Variants in NAA15 observed in about 807,000 individuals in gnomAD.
The protein encoded by NAA15 is N-alpha-acetyltransferase 15, NatA auxiliary subunit, also known as N-terminal acetyltransferase.
In NAA15, 34 loss-of-function variants were observed where a neutral mutation model predicts 114.0. The ratio of observed to expected loss-of-function variants is 0.30; its 90% CI spans 0.23 to 0.40. The LOEUF (loss-of-function observed/expected upper bound fraction) is 0.40, where lower values mean the gene tolerates loss of function less well. Among genes scored for constraint, NAA15 ranks in the 10% least tolerant of loss-of-function variants. The pLI, the probability that NAA15 is intolerant of heterozygous loss-of-function variation, is 1.00. For synonymous variants in NAA15, 340 were observed against 338.0 expected (o/e 1.01, Z -0.06); for missense variants, 658 against 1,004.5 (o/e 0.66, Z 4.66).
intron 5 of NAA15, among the ~76,000 whole-genome samples, 196 bp downstream of exon 5, chr4:139,343,156 T>G (rs1747469531): frequency 6.6e-6 from 1 of 152,236 alleles, no homozygotes; most frequent in Non-Finnish European, 1.5e-5. Flanking sequence ...ACTTTAAAAT[T>G]TGTGTATCTA....
intron 1 of NAA15, among the ~76,000 whole-genome samples, chr4:139,319,577 A>G (rs1356882595): frequency 6.6e-6 from 1 of 151,904 alleles, no homozygotes. Flanking sequence ...CTGGGATTAC[A>G]GGTGTACACT....
chr4:139,332,883 C>CT (rs1334130489), intron 1 of NAA15, among the ~76,000 whole-genome samples: 2 of 151,942 alleles, frequency 1.3e-5, no homozygotes, highest in Admixed American at 1.3e-4. Flanking sequence ...TGCCTGGCCT[C>CT]TTATATAGTC....
intron 6 of NAA15, among the ~76,000 whole-genome samples, chr4:139,345,798 G>A (rs1383137924): frequency 6.6e-6 from 1 of 152,128 alleles, no homozygotes; most frequent in Non-Finnish European, 1.5e-5. Context: ...GCAGGCGCCT[G>A]TAGTCCCAGC....
intron 9 of NAA15, among the ~76,000 whole-genome samples, chr4:139,352,660 A>ATC: frequency 8.1e-6 from 1 of 123,962 alleles, no homozygotes; most frequent in Admixed American, 7.8e-5. Context: ...TCCATAAAAT[A>ATC]TCTTTTTTTT....
chr4:139,302,333 C>T lies in NAA15; in HGVS notation c.54+502C>T, dbSNP rs115543880. The T allele has an allele frequency of 8.4e-3, 1,296 of 154,658 alleles. 20 individuals are homozygous for T. The highest frequency in any genetic ancestry group is 0.03 in the African/African-American group (1,242 of 41,662). The allele number at this position is 154,658 out of a possible 1,614,324, so 9.6% of individuals were successfully genotyped here. On this transcript the variant is annotated intron_variant, in intron 1 of 19. Transcript: ENST00000296543. ...TCCTCTCTTGGGATTCACCTGTCTCCGCCCGGCCCGGGGTCACCCAATGAC... is the reference window on the plus strand; with the variant it reads ...TCCTCTCTTGGGATTCACCTGTCTCTGCCCGGCCCGGGGTCACCCAATGAC...
At chr4:139,315,051 G>GTTAGGTTAGTTTAGT (rs1553992557) in intron 1 of NAA15, among the ~76,000 whole-genome samples, 2,519 of 112,166 alleles carry the variant, frequency 0.022, 132 homozygotes, top group Admixed American at 0.093. Context: ...GTTAGGTTAG[G>GTTAGGTTAGTTTAGT]TTAGTTTAGT....
In NAA15 at chr4:139,341,056, T is replaced by A. The variant is rs1747367690; in HGVS notation, c.389T>A (p.Leu130His). ...TTACTACAGATTCAAATGCGAGATC[T>A]TGAGGGTTACAGGGTAAGTAAAATA... is the stretch of plus-strand genomic sequence containing the variant. Reference protein sequence around the residue: ...LSLLQIQMRDLEGYRETRYQL... With the variant: ...LSLLQIQMRDHEGYRETRYQL... Residue 130 changes from leucine (L) to histidine (H), a missense_variant, in exon 4 of 20, where the codon CTT becomes CAT. This residue lies in a region of NAA15 where 75 missense variants were observed against 172.3 expected (regional missense o/e 0.44). Transcript: ENST00000296543. The A allele has an allele frequency of 6.3e-7, 1 of 1,580,256 alleles. No homozygotes were observed. The highest frequency in any genetic ancestry group is 1.4e-5 in the African/African-American group (1 of 73,392).
At chr4:139,327,769 G>A (rs1209150034) in intron 1 of NAA15, among the ~76,000 whole-genome samples, 6 of 152,032 alleles carry the variant, frequency 3.9e-5, no homozygotes, top group East Asian at 3.9e-4. Context: ...GGATTTAAGC[G>A]ATTCTCCTGC....
chr4:139,358,570 C>CTT (rs1029575233), intron 11 of NAA15, among the ~76,000 whole-genome samples: 3 of 151,626 alleles, frequency 2.0e-5, no homozygotes, highest in Non-Finnish European at 4.4e-5. Flanking sequence ...AAAAATTATA[C>CTT]TTTAAGTTCT....
intron 14 of NAA15, among the ~76,000 whole-genome samples, chr4:139,366,735 C>T (rs756184263): frequency 1.3e-5 from 2 of 151,860 alleles, no homozygotes; most frequent in African/African-American, 2.4e-5. Flanking sequence ...CAGCCTGCCA[C>T]GTAGGTAGGA....
intron 1 of NAA15, among the ~76,000 whole-genome samples, chr4:139,322,753 G>A (rs1746661431): frequency 6.6e-6 from 1 of 151,768 alleles, no homozygotes; most frequent in South Asian, 2.1e-4. Context: ...GTGCAATAGG[G>A]CAATTTTGGC....
At chr4:139,374,852 A>G (rs1353674828) in intron 15 of NAA15, among the ~76,000 whole-genome samples, 1 of 152,240 alleles carries the variant, frequency 6.6e-6, no homozygotes, top group African/African-American at 2.4e-5. Flanking sequence ...CTTGTTTATT[A>G]AAGTTGGAGA....
At chr4:139,320,880 G>C (rs946758221) in intron 1 of NAA15, among the ~76,000 whole-genome samples, 7 of 152,008 alleles carry the variant, frequency 4.6e-5, no homozygotes, top group Admixed American at 4.6e-4. Flanking sequence ...TTGACTCCTA[G>C]CTTCAAGCAG....
intron 1 of NAA15, among the ~76,000 whole-genome samples, chr4:139,330,837 G>A (rs1355586370): frequency 6.6e-6 from 1 of 151,922 alleles, no homozygotes; most frequent in African/African-American, 2.4e-5. Flanking sequence ...GGAGATGATG[G>A]GTATATAGTT....
At chr4:139,368,027 C>A (rs1193205802) in intron 14 of NAA15, among the ~76,000 whole-genome samples, 1 of 151,346 alleles carries the variant, frequency 6.6e-6, no homozygotes, top group African/African-American at 2.4e-5. Flanking sequence ...CCACTAAAGC[C>A]CTACTCAAAG....
intron 1 of NAA15, among the ~76,000 whole-genome samples, chr4:139,319,497 ATGGTCATGGC>A (rs1354219144): frequency 6.6e-6 from 1 of 152,038 alleles, no homozygotes; most frequent in Non-Finnish European, 1.5e-5. Flanking sequence ...GTGTAGTGAC[ATGGTCATGGC>A]TCACTGTAGC....
chr4:139,333,833 ATGGTC>A (rs1339121171), intron 1 of NAA15, among the ~76,000 whole-genome samples: 4 of 152,218 alleles, frequency 2.6e-5, no homozygotes, highest in Non-Finnish European at 2.9e-5. Flanking sequence ...CCAGGTGGAT[ATGGTC>A]GCTGTGAGCT....
chr4:139,308,194 C>T (rs1282966309), intron 1 of NAA15, among the ~76,000 whole-genome samples: 2 of 152,110 alleles, frequency 1.3e-5, no homozygotes, highest in Non-Finnish European at 2.9e-5. Flanking sequence ...ATCTCCTGAC[C>T]TCCTGATCTG....
intron 11 of NAA15, 28 bp from the exon 12 acceptor site, chr4:139,359,715 G>A (rs1748073881): frequency 6.3e-7 from 1 of 1,577,182 alleles, no homozygotes. Context: ...CATGCTAACT[G>A]GTTTATTTTG....
Sources: gnomAD v4.1 joint callset for allele counts (sites outside exome capture counted in the v4.1 genomes callset) on GRCh38, gnomAD v4.1.1 for gene constraint, gnomAD v4.1.1 regional missense constraint, MANE v1.5 for transcripts, NCBI Gene and HGNC (gene_info 2026-07-23, HGNC 2026-07-21) for gene names.